Variants in AJAP1 observed in about 807,000 individuals in gnomAD.
AJAP1 encodes adherens junctions associated protein 1.
Under a neutral mutation model 35.0 loss-of-function variants are expected in AJAP1, and 5 were observed. The observed-to-expected ratio is 0.14, with a 90% CI of 0.07 to 0.30. The LOEUF (loss-of-function observed/expected upper bound fraction) is 0.30. Among genes scored for constraint, AJAP1 ranks in the 10% least tolerant of loss-of-function variants. The pLI, the probability that AJAP1 is intolerant of heterozygous loss-of-function variation, is 1.00. For synonymous variants in AJAP1, 284 were observed against 249.3 expected (o/e 1.14, Z -1.31); for missense variants, 586 against 571.0 (o/e 1.03, Z -0.27).
chr1:4,668,322 CTGTGTG>C (rs56871532), intron 1 of AJAP1, among the ~76,000 whole-genome samples: 5 of 150,954 alleles, frequency 3.3e-5, no homozygotes, highest in South Asian at 4.2e-4. Flanking sequence ...GAGAGCAGTG[CTGTGTG>C]TGTGTGTGCG....
chr1:4,728,853 C>G (rs560328644), intron 2 of AJAP1, among the ~76,000 whole-genome samples: 2 of 152,234 alleles, frequency 1.3e-5, no homozygotes, highest in East Asian at 3.9e-4. Flanking sequence ...TGCCGATGGG[C>G]TCTCTGTCAT....
At chr1:4,702,183 G>A (rs553679165) in intron 1 of AJAP1, among the ~76,000 whole-genome samples, 60 of 151,872 alleles carry the variant, frequency 4.0e-4, no homozygotes, top group Admixed American at 1.4e-3. Context: ...ATATTCCAGC[G>A]TGTCCCCAGT....
At chr1:4,707,528 T>C (rs1640125935) in intron 1 of AJAP1, among the ~76,000 whole-genome samples, 2 of 152,218 alleles carry the variant, frequency 1.3e-5, no homozygotes, top group African/African-American at 4.8e-5. Context: ...CTTGAGTGCC[T>C]GGCTTCTTTC....
chr1:4,745,264 C>G (rs1412919696), intron 2 of AJAP1, among the ~76,000 whole-genome samples: 1 of 152,134 alleles, frequency 6.6e-6, no homozygotes, highest in Admixed American at 6.5e-5. Context: ...TTGGAGCCCT[C>G]CCACCTCTGC....
At chr1:4,711,038 G>A (rs1252414041) in intron 1 of AJAP1, 2 of 152,282 alleles carry the variant, frequency 1.3e-5, no homozygotes, top group Non-Finnish European at 2.9e-5. Context: ...GAGCTGAGGA[G>A]GTGGATAACA....
intron 2 of AJAP1, among the ~76,000 whole-genome samples, chr1:4,758,052 T>C (rs1641473786): frequency 6.6e-6 from 1 of 152,180 alleles, no homozygotes; most frequent in Non-Finnish European, 1.5e-5. Context: ...TCCCTTTTGC[T>C]CTGCACTTGT....
chr1:4,689,707 T>TGAG, intron 1 of AJAP1, among the ~76,000 whole-genome samples: 1 of 152,334 alleles, frequency 6.6e-6, no homozygotes, highest in East Asian at 1.9e-4. Context: ...GTCATGAGCA[T>TGAG]CCGGCATGAG....
chr1:4,722,952 G>A (rs1011377009), intron 2 of AJAP1, among the ~76,000 whole-genome samples: 21 of 152,110 alleles, frequency 1.4e-4, no homozygotes, highest in Admixed American at 5.9e-4. Flanking sequence ...TGAGTATGCT[G>A]GGGCTCATGG....
At chr1:4,661,758 C>A (rs575454247) in intron 1 of AJAP1, among the ~76,000 whole-genome samples, 2 of 152,182 alleles carry the variant, frequency 1.3e-5, no homozygotes, top group Non-Finnish European at 2.9e-5. Flanking sequence ...TCTGAAATCA[C>A]AAGTCTCTCT....
intron 1 of AJAP1, among the ~76,000 whole-genome samples, chr1:4,676,952 T>A (rs1032770297): frequency 6.6e-6 from 1 of 151,996 alleles, no homozygotes; most frequent in Non-Finnish European, 1.5e-5. Context: ...AGGTCTGGAG[T>A]TCGAGACCAG....
Position 4,655,597 on chromosome 1 carries a change from AG to A in AJAP1, c.29+147del. 1 of 1,039,964 alleles carries A rather than the reference AG, an allele frequency of 9.6e-7. No homozygotes were observed. Among genetic ancestry groups the A allele is most frequent in the South Asian group, 1.9e-5 (1 of 51,298 alleles). 64.4% of individuals were successfully genotyped at this position (1,039,964 alleles called of 1,614,324 possible). On this transcript the variant is annotated intron_variant, in intron 1 of 5. Coordinates refer to ENST00000378191, the MANE Select transcript of AJAP1 (RefSeq NM_018836.4). The surrounding 1 kb of genome is among the most constrained non-coding windows in gnomAD (Gnocchi z 6.9). ...CAACGGGGTGCACCGGTAGCCGGAA[AG>A]GGGCGCCCGCCCGGAGCCTGGAGCA... is the stretch of plus-strand genomic sequence containing the variant.
At chr1:4,682,491 GT>G (rs1180994683) in intron 1 of AJAP1, among the ~76,000 whole-genome samples, 1 of 152,178 alleles carries the variant, frequency 6.6e-6, no homozygotes, top group Non-Finnish European at 1.5e-5. Context: ...CCAGCCCTGA[GT>G]TTTCATGTCC....
At chr1:4,657,066 C>A (rs1638898725) in intron 1 of AJAP1, among the ~76,000 whole-genome samples, 2 of 152,180 alleles carry the variant, frequency 1.3e-5, no homozygotes. Flanking sequence ...TCCTGAGCTG[C>A]CACTTGATTC....
intron 1 of AJAP1, among the ~76,000 whole-genome samples, chr1:4,688,651 A>T (rs1222665824): frequency 6.6e-6 from 1 of 151,876 alleles, no homozygotes; most frequent in Non-Finnish European, 1.5e-5. Context: ...GTGCACCTGC[A>T]ATCCCAGCTA....
chr1:4,751,774 A>G (rs1557639700), intron 2 of AJAP1, among the ~76,000 whole-genome samples: 1 of 152,202 alleles, frequency 6.6e-6, no homozygotes, highest in African/African-American at 2.4e-5. Flanking sequence ...CAAGGGAGAA[A>G]GCACTCACGC....
intron 1 of AJAP1, among the ~76,000 whole-genome samples, chr1:4,691,642 A>T (rs543172377): frequency 6.6e-6 from 1 of 152,276 alleles, no homozygotes; most frequent in South Asian, 2.1e-4. Flanking sequence ...GGTGCTTGCC[A>T]TCGGATGGCA....
At chr1:4,696,758 G>A (rs1570123459) in intron 1 of AJAP1, among the ~76,000 whole-genome samples, 1 of 152,304 alleles carries the variant, frequency 6.6e-6, no homozygotes, top group Admixed American at 6.5e-5. Context: ...GTGTGCATAT[G>A]ACTGTGTGTG....
intron 5 of AJAP1, chr1:4,777,806 C>T (rs1420383526): frequency 6.6e-6 from 1 of 152,330 alleles, no homozygotes; most frequent in African/African-American, 2.4e-5. Context: ...CCTGTGCCTT[C>T]CCACTTTGTT....
intron 2 of AJAP1, among the ~76,000 whole-genome samples, chr1:4,749,181 C>T (rs542498835): frequency 1.3e-5 from 2 of 152,308 alleles, no homozygotes; most frequent in Admixed American, 6.5e-5. Flanking sequence ...ACACGGTGAG[C>T]AGAGTGTGTC....
Sources: gnomAD v4.1 joint callset for allele counts (sites outside exome capture counted in the v4.1 genomes callset) on GRCh38, gnomAD v4.1.1 for gene constraint, Gnocchi (gnomAD v3.1) non-coding constraint, MANE v1.5 for transcripts, NCBI Gene and HGNC (gene_info 2026-07-23, HGNC 2026-07-21) for gene names.